The following CARMIL1 variants were observed in gnomAD, a reference collection of about 807,000 sequenced individuals.
CARMIL1 encodes the protein F-actin-uncapping protein LRRC16A.
CARMIL1 carries 90 observed loss-of-function variants against 177.1 expected under a neutral mutation model. That is an observed-to-expected ratio of 0.51 (90% CI 0.43 to 0.61). CARMIL1 has a LOEUF of 0.61. Among genes scored for constraint, CARMIL1 ranks in the 20% least tolerant of loss-of-function variants. CARMIL1 has a pLI of 0.00. For synonymous variants in CARMIL1, 577 were observed against 606.2 expected, an observed-to-expected ratio of 0.95 and a Z score of 0.71; for missense variants, 1,380 against 1,667.0, an observed-to-expected ratio of 0.83 and a Z score of 3.00.
intron 16 of CARMIL1, among the ~76,000 whole-genome samples, chr6:25,497,679 T>C (rs1469063581): frequency 6.6e-6 from 1 of 152,156 alleles, no homozygotes; most frequent in Non-Finnish European, 1.5e-5. Flanking sequence ...CTTGTTTCTC[T>C]AAGGGTTTGG....
chr6:25,541,608 A>G (rs190045), intron 26 of CARMIL1, among the ~76,000 whole-genome samples: 4 of 152,166 alleles, frequency 2.6e-5, no homozygotes, highest in South Asian at 2.1e-4. Flanking sequence ...AAGTTGTTCA[A>G]CCTTTTAATA....
At chr6:25,492,416 T>A (rs1803330582) in intron 15 of CARMIL1, among the ~76,000 whole-genome samples, 1 of 152,226 alleles carries the variant, frequency 6.6e-6, no homozygotes, top group African/African-American at 2.4e-5. Context: ...GCATTTTCAC[T>A]TGTAGAAGTA....
chr6:25,529,442 T>A (rs968280574), intron 24 of CARMIL1, among the ~76,000 whole-genome samples: 3 of 152,118 alleles, frequency 2.0e-5, no homozygotes, highest in African/African-American at 7.2e-5. Flanking sequence ...TATAATAATT[T>A]AAAAAAATGT....
chr6:25,347,291 G>C (rs1458089814), intron 2 of CARMIL1, among the ~76,000 whole-genome samples: 1 of 152,176 alleles, frequency 6.6e-6, no homozygotes, highest in African/African-American at 2.4e-5. Context: ...TTGAATGGCA[G>C]TTTCTCAAAG....
At chr6:25,375,723 G>C (rs1277454620) in intron 2 of CARMIL1, among the ~76,000 whole-genome samples, 1 of 152,080 alleles carries the variant, frequency 6.6e-6, no homozygotes, top group Non-Finnish European at 1.5e-5. Flanking sequence ...AATTTGAAAG[G>C]CTTATCTTCA....
intron 11 of CARMIL1, among the ~76,000 whole-genome samples, chr6:25,481,891 A>G (rs1802150721): frequency 6.6e-6 from 1 of 152,232 alleles, no homozygotes; most frequent in South Asian, 2.1e-4. Context: ...CTCATCTAGA[A>G]GAGCGATCAA....
chr6:25,580,499 C>G (rs1813027655), intron 29 of CARMIL1, among the ~76,000 whole-genome samples: 1 of 152,202 alleles, frequency 6.6e-6, no homozygotes, highest in African/African-American at 2.4e-5. Flanking sequence ...GAGAGTGCAA[C>G]TACTTAAGTC....
At chr6:25,381,120 AC>A (rs1239182764) in intron 2 of CARMIL1, among the ~76,000 whole-genome samples, 2 of 152,152 alleles carry the variant, frequency 1.3e-5, no homozygotes, top group African/African-American at 4.8e-5. Context: ...TAAAATTTTC[AC>A]TTAGTCACCT....
intron 8 of CARMIL1, among the ~76,000 whole-genome samples, chr6:25,455,877 A>G (rs1799472665): frequency 6.6e-6 from 1 of 152,162 alleles, no homozygotes; most frequent in Admixed American, 6.5e-5. Context: ...AAGCACAGAG[A>G]TGGAGGAAGC....
chr6:25,521,230 C>A (rs1027130695), intron 23 of CARMIL1, among the ~76,000 whole-genome samples: 1 of 152,116 alleles, frequency 6.6e-6, no homozygotes, highest in African/African-American at 2.4e-5. Flanking sequence ...AGGCCTGCAT[C>A]GTACAGCCGA....
At chr6:25,594,601 A>G in intron 32 of CARMIL1, 74 bp downstream of exon 32, 1 of 834,662 alleles carries the variant, frequency 1.2e-6, no homozygotes, top group Non-Finnish European at 1.9e-6. Flanking sequence ...AATTAAACTT[A>G]GTATACTAAG....
At chr6:25,580,708 A>T (rs1250363849) in intron 29 of CARMIL1, among the ~76,000 whole-genome samples, 1 of 152,228 alleles carries the variant, frequency 6.6e-6, no homozygotes, top group East Asian at 1.9e-4. Context: ...GTGGAATTCA[A>T]CTGGTTAGGG....
intron 3 of CARMIL1, among the ~76,000 whole-genome samples, chr6:25,422,215 C>A (rs758670217): frequency 2.0e-5 from 3 of 152,128 alleles, no homozygotes; most frequent in Admixed American, 6.5e-5. Context: ...TAGATGCTTT[C>A]AGCCTTATCG....
intron 17 of CARMIL1, among the ~76,000 whole-genome samples, chr6:25,500,510 T>A (rs574325383): frequency 6.6e-6 from 1 of 152,306 alleles, no homozygotes; most frequent in South Asian, 2.1e-4. Context: ...GATGAAGCCT[T>A]GAGGTATAAA....
At chr6:25,320,507 G>A (rs1218929063) in intron 2 of CARMIL1, among the ~76,000 whole-genome samples, 1 of 152,248 alleles carries the variant, frequency 6.6e-6, no homozygotes, top group Non-Finnish European at 1.5e-5. Context: ...TCATTTGCCA[G>A]GAACTGTTTC....
At chr6:25,419,356 G>A (rs1312644362) in intron 2 of CARMIL1, among the ~76,000 whole-genome samples, 2 of 152,170 alleles carry the variant, frequency 1.3e-5, no homozygotes, top group Non-Finnish European at 2.9e-5. Flanking sequence ...AGACTCATGA[G>A]GCCTGTCCAA....
chr6:25,322,419 A>C (rs897995165), intron 2 of CARMIL1, among the ~76,000 whole-genome samples: 1 of 152,260 alleles, frequency 6.6e-6, no homozygotes, highest in Non-Finnish European at 1.5e-5. Context: ...CACTATGCCC[A>C]GCCTTCACTG....
intron 2 of CARMIL1, among the ~76,000 whole-genome samples, chr6:25,287,011 T>A (rs188135401): frequency 6.6e-6 from 1 of 152,214 alleles, no homozygotes; most frequent in Non-Finnish European, 1.5e-5. Context: ...CCGGAACTCA[T>A]TGTGGCTGTT....
At chr6:25,404,705 G>C (rs1320000576) in intron 2 of CARMIL1, among the ~76,000 whole-genome samples, 1 of 151,230 alleles carries the variant, frequency 6.6e-6, no homozygotes, top group Non-Finnish European at 1.5e-5. Flanking sequence ...GCAGCGAGCC[G>C]AGATCTTACC....
Sources: allele counts gnomAD v4.1 joint callset (sites outside exome capture counted in the v4.1 genomes callset), GRCh38; gene constraint gnomAD v4.1.1; transcripts MANE v1.5; gene names NCBI Gene and HGNC (gene_info 2026-07-23, HGNC 2026-07-21).